Variants in SPEF2 observed in about 807,000 individuals in gnomAD.
SPEF2 encodes sperm flagellar and cilia associated 2.
Under a neutral mutation model 224.6 loss-of-function variants are expected in SPEF2, and 187 were observed. The observed-to-expected ratio is 0.83, with a 90% CI of 0.74 to 0.94. SPEF2 has a LOEUF of 0.94. Ranked by LOEUF, SPEF2 falls within the 40% of genes least tolerant of loss-of-function variation. SPEF2 has a pLI of 0.00. For synonymous variants in SPEF2, 715 were observed against 707.3 expected (o/e 1.01, Z -0.17); for missense variants, 2,170 against 2,135.6 (o/e 1.02, Z -0.32).
At position 35,691,042 on chromosome 5, in the gene SPEF2, G is replaced by A. The variant is rs751222846; in HGVS notation, c.1530G>A (p.Met510Ile). The A allele has an allele frequency of 6.2e-7, 1 of 1,612,648 alleles. No individual in the cohort carries two copies. Among genetic ancestry groups the A allele is most frequent in the African/African-American group, 1.3e-5 (1 of 74,822 alleles). Residue 510 changes from methionine (M) to isoleucine (I), a missense_variant, in exon 11 of 37, where the codon ATG becomes ATA. By Grantham distance (10) the Met-to-Ile change is conservative (BLOSUM62 1). Transcript: ENST00000356031. ...DTNDYEEYKNMVGEWALPEEM... is the reference protein window; with the variant it reads ...DTNDYEEYKNIVGEWALPEEM... ...TTTGATCGTTATTTTTACAGAACAT[G>A]GTTGGAGAGTGGGCCTTACCAGAAG...
At chr5:35,794,490 GA>G (rs1756395253) in intron 32 of SPEF2, among the ~76,000 whole-genome samples, 1 of 152,100 alleles carries the variant, frequency 6.6e-6, no homozygotes, top group Admixed American at 6.5e-5. Flanking sequence ...GGCTGATCAA[GA>G]CAGGTGTTCA....
intron 10 of SPEF2, chr5:35,671,378 A>T: frequency 2.1e-6 from 2 of 962,110 alleles, no homozygotes; most frequent in South Asian, 4.8e-5. Flanking sequence ...TATTTGTAGC[A>T]CTAAGAGAAT....
intron 25 of SPEF2, among the ~76,000 whole-genome samples, chr5:35,760,799 A>G (rs1207769539): frequency 6.6e-6 from 1 of 152,192 alleles, no homozygotes; most frequent in African/African-American, 2.4e-5. Flanking sequence ...TTCCTGTGGC[A>G]TGGTTTCCAA....
At chr5:35,675,958 G>A (rs1313225340) in intron 10 of SPEF2, 10 of 456,118 alleles carry the variant, frequency 2.2e-5, no homozygotes, top group Admixed American at 2.1e-4. Context: ...CATGTGAAGG[G>A]TATTTGGCTT....
intron 3 of SPEF2, among the ~76,000 whole-genome samples, chr5:35,642,332 C>T (rs1192060743): frequency 6.6e-6 from 1 of 152,056 alleles, no homozygotes; most frequent in East Asian, 1.9e-4. Flanking sequence ...TCCCTCAAAC[C>T]CAAACTCACC....
chr5:35,689,767 G>A (rs1310162630), intron 10 of SPEF2, among the ~76,000 whole-genome samples: 2 of 152,060 alleles, frequency 1.3e-5, no homozygotes, highest in African/African-American at 4.8e-5. Flanking sequence ...TGGGCACTTG[G>A]GTTGATTCCA....
intron 30 of SPEF2, among the ~76,000 whole-genome samples, chr5:35,780,108 G>T (rs944311596): frequency 6.6e-6 from 1 of 152,158 alleles, no homozygotes; most frequent in Non-Finnish European, 1.5e-5. Flanking sequence ...TCAGAACTCT[G>T]CAGATCCAAA....
chr5:35,804,715 T>A (rs1336274681), intron 34 of SPEF2, among the ~76,000 whole-genome samples: 2 of 144,552 alleles, frequency 1.4e-5, no homozygotes, highest in Non-Finnish European at 3.0e-5. Flanking sequence ...CTCTTAAATT[T>A]TAAAAAAAAA....
chr5:35,663,087 G>A (rs967609685), intron 8 of SPEF2, among the ~76,000 whole-genome samples: 1 of 152,020 alleles, frequency 6.6e-6, no homozygotes, highest in Non-Finnish European at 1.5e-5. Context: ...TACTGATTTT[G>A]TTTCTACTTC....
chr5:35,772,294 T>C (rs1752976651), intron 27 of SPEF2, among the ~76,000 whole-genome samples: 1 of 152,166 alleles, frequency 6.6e-6, no homozygotes, highest in Non-Finnish European at 1.5e-5. Flanking sequence ...AGTGGAATCC[T>C]GGGAAGCAAA....
intron 20 of SPEF2, among the ~76,000 whole-genome samples, chr5:35,725,446 A>T (rs1248383020): frequency 6.6e-6 from 1 of 152,158 alleles, no homozygotes; most frequent in Non-Finnish European, 1.5e-5. Context: ...CAACAACAAC[A>T]AACACATAAA....
rs1004699983 is a variant in SPEF2 at position 35,737,375 on chromosome 5, C to A, written c.3064-2544C>A. ...CTATCCCTCCTCCCTCCCCCCACCC[C>A]ACAACAGGCCCCGGGATGTAATGTT... On this transcript the variant is annotated intron_variant, in intron 21 of 36. Transcript: ENST00000356031. 3.8e-5 allele frequency among the ~76,000 whole-genome samples: 5 copies of A among 131,180 alleles called. No individual in the cohort carries two copies. In the Admixed American group the frequency reaches 4.2e-4, roughly 11 times the overall value. The allele number at this position is 131,180 out of a possible 152,430, so 86.1% of individuals were successfully genotyped here.
chr5:35,706,933 A>G (rs1739888937), intron 18 of SPEF2, among the ~76,000 whole-genome samples: 1 of 152,218 alleles, frequency 6.6e-6, no homozygotes, highest in Non-Finnish European at 1.5e-5. Context: ...ATTCTAACTC[A>G]TGAAGGCTTG....
At chr5:35,762,007 T>C (rs1472071180) in intron 25 of SPEF2, among the ~76,000 whole-genome samples, 1 of 152,180 alleles carries the variant, frequency 6.6e-6, no homozygotes, top group Non-Finnish European at 1.5e-5. Flanking sequence ...GTTAAAAATT[T>C]TCATATATTT....
chr5:35,807,925 A>T (rs1258605328), intron 36 of SPEF2: 1 of 1,415,174 alleles, frequency 7.1e-7, no homozygotes, highest in African/African-American at 1.4e-5. Flanking sequence ...CTGTAGCACT[A>T]CATCCCTCTC....
At chr5:35,708,333 T>C (rs2149586701) in intron 18 of SPEF2, among the ~76,000 whole-genome samples, 1 of 152,186 alleles carries the variant, frequency 6.6e-6, no homozygotes, top group South Asian at 2.1e-4. Flanking sequence ...CCACCTCTTG[T>C]ATTACATTGC....
At chr5:35,789,740 C>T (rs751857531) in intron 30 of SPEF2, 37 of 682,874 alleles carry the variant, frequency 5.4e-5, no homozygotes, top group Non-Finnish European at 9.8e-5. Flanking sequence ...ACCTATTATT[C>T]TCCCATGGTC....
chr5:35,789,658 C>T (rs2277042), intron 30 of SPEF2: 17,294 of 637,662 alleles, frequency 0.027, 1,065 homozygotes, highest in African/African-American at 0.14. Flanking sequence ...GTGGTGAGGG[C>T]TACCGTGATT....
intron 36 of SPEF2, among the ~76,000 whole-genome samples, chr5:35,811,090 T>TAA (rs10679473): frequency 0.48 from 71,309 of 147,940 alleles, 18,652 homozygotes; most frequent in African/African-American, 0.7. Flanking sequence ...TCATTTTTGC[T>TAA]AAAAAAAAAA....
Sources: allele counts gnomAD v4.1 joint callset (sites outside exome capture counted in the v4.1 genomes callset), GRCh38; gene constraint gnomAD v4.1.1; transcripts MANE v1.5; gene names NCBI Gene and HGNC (gene_info 2026-07-23, HGNC 2026-07-21).